The following ZNF804B variants were observed in gnomAD, a reference collection of about 807,000 sequenced individuals.
ZNF804B encodes zinc finger protein 804B, also known as zinc finger 804B.
ZNF804B carries 80 observed loss-of-function variants against 101.4 expected under a neutral mutation model. The ratio of observed to expected loss-of-function variants is 0.79; its 90% CI spans 0.66 to 0.95. The LOEUF is 0.95. Among genes scored for constraint, ZNF804B ranks in the 40% least tolerant of loss-of-function variants. The pLI, the probability that ZNF804B is intolerant of heterozygous loss-of-function variation, is 0.00. For synonymous variants in ZNF804B, 622 were observed against 558.8 expected (o/e 1.11, Z -1.59); for missense variants, 1,673 against 1,561.9 (o/e 1.07, Z -1.20).
At chr7:89,248,528 C>A (rs1789486468) in intron 2 of ZNF804B, among the ~76,000 whole-genome samples, 1 of 150,780 alleles carries the variant, frequency 6.6e-6, no homozygotes, top group Non-Finnish European at 1.5e-5. Flanking sequence ...AATTTCATAT[C>A]CTCCCAAACT....
At chr7:89,113,320 A>G (rs1790249252) in intron 1 of ZNF804B, among the ~76,000 whole-genome samples, 1 of 152,158 alleles carries the variant, frequency 6.6e-6, no homozygotes, top group African/African-American at 2.4e-5. Flanking sequence ...CAATTTACCC[A>G]TGTAATAAAC....
Position 88,855,346 on chromosome 7 carries a change from G to A in ZNF804B, c.108+95262G>A, listed in dbSNP as rs566733687. 6.8e-3 allele frequency among the ~76,000 whole-genome samples: 996 copies of A among 146,648 alleles called. 6 individuals carry two copies. The highest frequency in any genetic ancestry group is 0.023 in the African/African-American group (904 of 40,094). On this transcript the variant is annotated intron_variant, in intron 1 of 3. Coordinates refer to ENST00000333190, the MANE Select transcript of ZNF804B (RefSeq NM_181646.5). ...TTGTGGTTTTGATTTGCATTTCTCT[G>A]ATGGCCAGTGATGATGAGCATTTTT...
chr7:88,991,371 C>T (rs1341796277), intron 1 of ZNF804B, among the ~76,000 whole-genome samples: 2 of 152,162 alleles, frequency 1.3e-5, no homozygotes, highest in Non-Finnish European at 2.9e-5. Context: ...TACACAACCA[C>T]TGCTGCTGAC....
intron 2 of ZNF804B, among the ~76,000 whole-genome samples, chr7:89,264,460 C>T (rs1433259949): frequency 1.3e-5 from 2 of 152,192 alleles, no homozygotes; most frequent in African/African-American, 2.4e-5. Flanking sequence ...AAAGCCTGTA[C>T]ACATTTCCTT....
intron 2 of ZNF804B, among the ~76,000 whole-genome samples, chr7:89,251,784 G>A (rs1284711219): frequency 6.6e-6 from 1 of 151,974 alleles, no homozygotes; most frequent in African/African-American, 2.4e-5. Flanking sequence ...TCTTTGACAA[G>A]GTCAACAAAA....
At chr7:89,189,046 TA>T (rs533982033) in intron 1 of ZNF804B, among the ~76,000 whole-genome samples, 47 of 152,220 alleles carry the variant, frequency 3.1e-4, no homozygotes, top group African/African-American at 1.1e-3. Context: ...CTTTCATAGC[TA>T]AAGAGAAGAA....
At chr7:88,988,962 T>C (rs1184662063) in intron 1 of ZNF804B, among the ~76,000 whole-genome samples, 7 of 152,080 alleles carry the variant, frequency 4.6e-5, no homozygotes, top group Admixed American at 2.6e-4. Context: ...AAAATACTGA[T>C]GCCCAGATCA....
intron 1 of ZNF804B, among the ~76,000 whole-genome samples, chr7:88,951,457 T>A (rs1978157): frequency 6.6e-6 from 1 of 151,796 alleles, no homozygotes; most frequent in Non-Finnish European, 1.5e-5. Context: ...TACACACACA[T>A]GCGCGTGCGC....
At chr7:88,859,155 G>A (rs1057176471) in intron 1 of ZNF804B, among the ~76,000 whole-genome samples, 5 of 151,884 alleles carry the variant, frequency 3.3e-5, no homozygotes, top group African/African-American at 1.2e-4. Flanking sequence ...TAAGAATGAG[G>A]AATTTTTGCT....
intron 1 of ZNF804B, among the ~76,000 whole-genome samples, chr7:89,207,571 CAGTT>C (rs757901448): frequency 6.0e-4 from 92 of 152,182 alleles, no homozygotes; most frequent in Non-Finnish European, 1.0e-3. Context: ...CAAACAATAT[CAGTT>C]AGTATATTGT....
intron 1 of ZNF804B, among the ~76,000 whole-genome samples, chr7:88,952,336 A>T (rs1793236347): frequency 6.6e-6 from 1 of 151,834 alleles, no homozygotes; most frequent in South Asian, 2.1e-4. Context: ...CCTCAAACTG[A>T]TGACTGTGTG....
At chr7:88,760,180 T>C in intron 1 of ZNF804B, 96 bp downstream of exon 1, 1 of 1,013,728 alleles carries the variant, frequency 9.9e-7, no homozygotes, top group Non-Finnish European at 1.5e-6. Context: ...AATGAGTAGG[T>C]GGTGGACATC....
intron 1 of ZNF804B, among the ~76,000 whole-genome samples, chr7:89,061,526 A>G (rs1254789230): frequency 1.3e-5 from 2 of 152,066 alleles, no homozygotes; most frequent in Non-Finnish European, 2.9e-5. Flanking sequence ...AAAACAGTCC[A>G]TGCCCTCTCC....
chr7:88,835,740 T>A (rs1037828587), intron 1 of ZNF804B, among the ~76,000 whole-genome samples: 1 of 151,930 alleles, frequency 6.6e-6, no homozygotes, highest in Non-Finnish European at 1.5e-5. Flanking sequence ...ATTCTATATA[T>A]GCATATACAT....
chr7:88,814,491 C>CAG (rs1554336920), intron 1 of ZNF804B, among the ~76,000 whole-genome samples: 1 of 137,768 alleles, frequency 7.3e-6, no homozygotes, highest in Non-Finnish European at 1.5e-5. Context: ...CACACACACA[C>CAG]AGAAAGTTTA....
intron 1 of ZNF804B, among the ~76,000 whole-genome samples, chr7:88,831,937 A>T (rs1301613910): frequency 6.6e-6 from 1 of 151,892 alleles, no homozygotes; most frequent in East Asian, 1.9e-4. Flanking sequence ...ACATTTTTAT[A>T]AATATATTAA....
At chr7:89,146,588 T>C (rs1490334917) in intron 1 of ZNF804B, among the ~76,000 whole-genome samples, 1 of 152,076 alleles carries the variant, frequency 6.6e-6, no homozygotes, top group Admixed American at 6.6e-5. Context: ...CCTTGAAATA[T>C]TTCAGAAGTT....
At chr7:88,941,278 G>T (rs1275233033) in intron 1 of ZNF804B, among the ~76,000 whole-genome samples, 1 of 152,006 alleles carries the variant, frequency 6.6e-6, no homozygotes, top group East Asian at 1.9e-4. Flanking sequence ...ACCCAGAGGA[G>T]ATGAAAACAT....
At position 89,220,061 on chromosome 7, in the gene ZNF804B, A is replaced by ATG. The variant is rs1419486806; in HGVS notation, c.249+1766_249+1767insTG. Among the ~76,000 whole-genome samples, 46 of 125,270 alleles carry ATG rather than the reference A, an allele frequency of 3.7e-4. 11 individuals are homozygous for ATG. The highest frequency in any genetic ancestry group is 1.1e-3 in the African/African-American group (34 of 31,270). 82.2% of individuals were successfully genotyped at this position (125,270 alleles called of 152,430 possible). ...CATATATGTGCATATATACATATATACGCACATATATGTGTATATACATAT... is the reference window on the plus strand; with the variant it reads ...CATATATGTGCATATATACATATATATGCGCACATATATGTGTATATACATAT... On this transcript the variant is annotated intron_variant, in intron 2 of 3. Coordinates refer to ENST00000333190, the MANE Select transcript of ZNF804B (RefSeq NM_181646.5).
Sources: gnomAD v4.1 joint callset for allele counts (sites outside exome capture counted in the v4.1 genomes callset) on GRCh38, gnomAD v4.1.1 for gene constraint, MANE v1.5 for transcripts, NCBI Gene and HGNC (gene_info 2026-07-23, HGNC 2026-07-21) for gene names.